MED23: variants seen among roughly 807,000 people sequenced by gnomAD.
MED23 encodes the protein mediator of RNA polymerase II transcription subunit 23.
A neutral mutation model predicts 163.9 loss-of-function variants in MED23; 105 were observed. The observed-to-expected ratio is 0.64, with a 90% confidence interval of 0.55 to 0.75. The LOEUF is 0.75. Among genes scored for constraint, MED23 ranks in the 30% least tolerant of loss-of-function variants. The pLI, the probability that MED23 is intolerant of heterozygous loss-of-function variation, is 0.00. For missense variants in MED23, 1,054 were observed against 1,649.0 expected, an observed-to-expected ratio of 0.64 and a Z score of 6.25; for synonymous variants, 561 against 565.6, an observed-to-expected ratio of 0.99 and a Z score of 0.12.
rs1390246500 is a variant in MED23 at position 131,610,047 on chromosome 6, T to C, written c.1076A>G (p.Lys359Arg). 1.2e-6 allele frequency: 2 copies of C among 1,613,336 alleles called. No individual in the cohort carries two copies. The highest frequency in any genetic ancestry group is 2.2e-5 in the South Asian group (2 of 91,058). Reference sequence around the variant, plus strand: ...CCGACCATAAGATTTAGTACATACCTTCTGATGAAGAGAAAGCACCATATG... The same window carrying C: ...CCGACCATAAGATTTAGTACATACCCTCTGATGAAGAGAAAGCACCATATG... ...FPHMVLSLHQ[K>R]LAGRGLIKGR... Residue 359 changes from lysine to arginine, a missense_variant and splice_region_variant, in exon 11 of 29, where the codon AAG becomes AGG. By Grantham distance (26) the Lys-to-Arg change is conservative (BLOSUM62 2). Around this residue, in one of 11 missense-constraint regions of MED23, gnomAD observed 61 missense variants for 154.2 expected, o/e 0.40. Transcript: ENST00000368068.
At position 131,600,038 on chromosome 6, in the gene MED23, C is replaced by G; in HGVS notation, c.2220G>C (p.Gln740His). Residue 740 changes from glutamine (Q) to histidine (H), a missense_variant and splice_region_variant, in exon 18 of 29, where the codon CAG (glutamine) becomes CAC (histidine). Physicochemically the swap from Gln to His is conservative, Grantham distance 24. Coordinates refer to ENST00000368068, the MANE Select transcript of MED23 (RefSeq NM_004830.4). ...HTLSCFPGPL[Q>H]AFFKQNNVPQ... ...AATAAGTAATTCAAGACCAAATTACCTGTAGTGGGCCTGGAAAACAGCTCA... is the reference window on the plus strand; with the variant it reads ...AATAAGTAATTCAAGACCAAATTACGTGTAGTGGGCCTGGAAAACAGCTCA... 1 of 1,613,916 alleles carries G rather than the reference C, an allele frequency of 6.2e-7. No homozygotes were observed. The highest frequency in any genetic ancestry group is 2.2e-5 in the East Asian group (1 of 44,848).
chr6:131,615,552 G>T (rs796187235), intron 10 of MED23: 1 of 377,428 alleles, frequency 2.6e-6, no homozygotes, highest in Non-Finnish European at 4.5e-6. Flanking sequence ...AGAAGGCCAC[G>T]CTGAAGATAC....
rs200336520 is a variant in MED23, at chr6:131,602,251, T to C, written c.2062A>G (p.Ile688Val). Residue 688 changes from isoleucine to valine, a missense_variant, in exon 17 of 29, where the codon ATA becomes GTA. This residue lies in a region of MED23 where 228 missense variants were observed against 461.3 expected (regional missense o/e 0.49). Transcript: ENST00000368068. ...AESEELNRAL[I>V]LTLARATHVT... ...TGAGTTGCTCTAGCCAAGGTCAATA[T>C]CAAGGCTCGGTTCAGTTCTTCAGAT... 7.9e-5 allele frequency: 128 copies of C among 1,613,938 alleles called. No homozygotes were observed. Among genetic ancestry groups the C allele is most frequent in the Non-Finnish European group, 1.1e-4 (125 of 1,179,844 alleles).
At chr6:131,623,237 A>G in intron 5 of MED23, 114 bp downstream of exon 5, 2 of 888,456 alleles carry the variant, frequency 2.3e-6, no homozygotes, top group South Asian at 1.4e-5. Context: ...CACAAGAAAT[A>G]GACAGATTTT....
chr6:131,602,164 T>A, intron 17 of MED23, 54 bp downstream of exon 17: 4 of 1,568,916 alleles, frequency 2.5e-6, no homozygotes, highest in Non-Finnish European at 3.5e-6. Context: ...ATTAGTAGAA[T>A]CATGGCACAC....
chr6:131,602,607 C>T (rs1324656314), intron 16 of MED23, among the ~76,000 whole-genome samples: 1 of 151,986 alleles, frequency 6.6e-6, no homozygotes, highest in Non-Finnish European at 1.5e-5. Flanking sequence ...TGGCTTGTCG[C>T]CTATAGGACT....
chr6:131,581,825 A>G (rs1346911159), downstream of MED23, among the ~76,000 whole-genome samples: 1 of 152,226 alleles, frequency 6.6e-6, no homozygotes, highest in Non-Finnish European at 1.5e-5. Flanking sequence ...GAAATTTTAA[A>G]ATTTCAGATA....
chr6:131,601,345 T>C (rs890547021), intron 17 of MED23, among the ~76,000 whole-genome samples: 1 of 152,204 alleles, frequency 6.6e-6, no homozygotes, highest in Non-Finnish European at 1.5e-5. Flanking sequence ...AATGTCAACG[T>C]TTGCTAGATC....
In MED23 at chr6:131,574,354, A is replaced by G. The variant is rs76388742; in HGVS notation, c.4096-59T>C. 3,673 of 1,593,050 alleles carry G rather than the reference A, an allele frequency of 2.3e-3. 83 individuals are homozygous for G. In the African/African-American group the frequency reaches 0.042, roughly 18 times the overall value. On this transcript the variant is annotated intron_variant, in intron 30 of 30. Coordinates refer to the MED23 transcript ENST00000354577. ...AGGCCCAAACTGCATTTGGACTGTC[A>G]GTAAATACTACTTTGCTTCCCCTGG...
Position 131,607,985 on chromosome 6 carries a change from T to A in MED23, c.1164A>T (p.Ala388=), listed in dbSNP as rs764133073. 1 of 1,613,958 alleles carries A rather than the reference T, an allele frequency of 6.2e-7. No individual in the cohort carries two copies. Among genetic ancestry groups the A allele is most frequent in the Non-Finnish European group, 8.5e-7 (1 of 1,179,914 alleles). ...TCATCACAGGGAGAAAATCAGCTAG[T>A]GCATTTTTCTGAATACTTCCAGAAA... The part of the protein sequence containing the change: ...QFISGSIQKN[A]LADFLPVMKL... Residue 388 remains alanine (A), a synonymous_variant, in exon 12 of 29, where the codon GCA becomes GCT. Transcript: ENST00000368068.
chr6:131,606,687 G>C, intron 12 of MED23, 63 bp from the exon 13 acceptor site: 2 of 1,335,180 alleles, frequency 1.5e-6, no homozygotes, highest in Non-Finnish European at 2.1e-6. Flanking sequence ...ATAATTATGT[G>C]TATTTTAGTA....
chr6:131,610,050 T>C lies in MED23; in HGVS notation c.1073A>G (p.Gln358Arg), dbSNP rs1585529678. ...ACCATAAGATTTAGTACATACCTTC[T>C]GATGAAGAGAAAGCACCATATGTGG... is the stretch of plus-strand genomic sequence containing the variant. ...SFPHMVLSLHQKLAGRGLIKG... is the reference protein window; with the variant it reads ...SFPHMVLSLHRKLAGRGLIKG... Residue 358 changes from glutamine to arginine, a missense_variant, in exon 11 of 29, where the codon CAG becomes CGG. Coordinates refer to ENST00000368068, the MANE Select transcript of MED23 (RefSeq NM_004830.4). 6.2e-7 allele frequency: 1 copy of C among 1,613,458 alleles called. No individual in the cohort carries two copies.
chr6:131,593,716 T>C (rs1312341368), intron 23 of MED23, among the ~76,000 whole-genome samples: 2 of 152,132 alleles, frequency 1.3e-5, no homozygotes, highest in Admixed American at 1.3e-4. Context: ...TTATCATTTA[T>C]TATTTACTAC....
In MED23 at chr6:131,610,215, T is replaced by C; in HGVS notation, c.908A>G (p.Gln303Arg). Residue 303 changes from glutamine (Q) to arginine (R), a missense_variant, in exon 11 of 29, where the codon CAG becomes CGG. Physicochemically the swap from Gln to Arg is conservative, Grantham distance 43. Coordinates refer to ENST00000368068, the MANE Select transcript of MED23 (RefSeq NM_004830.4). ...GGCATAAACAACCAGATCCACCAAC[T>C]GGTCCTCCAGCACAGGGCAGCGCTG... ...HKQRCPVLEDQLVDLVVYAME... is the reference protein window; with the variant it reads ...HKQRCPVLEDRLVDLVVYAME... The C allele has an allele frequency of 6.2e-7, 1 of 1,613,958 alleles. No homozygotes were observed. Among genetic ancestry groups the C allele is most frequent in the Non-Finnish European group, 8.5e-7 (1 of 1,179,922 alleles).
At chr6:131,583,375 T>G, downstream of MED23, 1 of 1,614,168 alleles carries the variant, frequency 6.2e-7, no homozygotes, top group Non-Finnish European at 8.5e-7. Flanking sequence ...CCAATTCATC[T>G]AAGTTTTGAT....
At chr6:131,626,734 G>A (rs1173201286) in intron 3 of MED23, among the ~76,000 whole-genome samples, 2 of 152,108 alleles carry the variant, frequency 1.3e-5, no homozygotes, top group African/African-American at 4.8e-5. Flanking sequence ...GTTAAAACAT[G>A]ACTGTATTGG....
chr6:131,590,253 C>T, intron 27 of MED23, 69 bp downstream of exon 27: 1 of 1,446,472 alleles, frequency 6.9e-7, no homozygotes, highest in South Asian at 1.2e-5. Flanking sequence ...TTCAATAACA[C>T]TGGTAAAGAA....
In MED23 at chr6:131,618,505, G is replaced by A; in HGVS notation, c.682C>T (p.Leu228=). 3 of 1,613,024 alleles carry A rather than the reference G, an allele frequency of 1.9e-6. No individual in the cohort carries two copies. The highest frequency in any genetic ancestry group is 2.7e-5 in the African/African-American group (2 of 75,022). ...INSICGRCSL[L]PVVNNSGAIC... ...GCACCCGAATTATTTACAACTGGCA[G>A]AAGACTACAGCGACCTGTATGTATT... The change falls in exon 9 of 29, where the codon CTG becomes TTG. Residue 228 remains leucine, a synonymous_variant. Coordinates refer to ENST00000368068, the MANE Select transcript of MED23 (RefSeq NM_004830.4).
chr6:131,595,881 TG>T, intron 22 of MED23, 65 bp downstream of exon 22: 1 of 1,187,302 alleles, frequency 8.4e-7, no homozygotes, highest in Non-Finnish European at 1.3e-6. Context: ...TATTACCATG[TG>T]GTCCTGCCCA....
Sources: gnomAD v4.1 joint callset for allele counts (sites outside exome capture counted in the v4.1 genomes callset) on GRCh38, gnomAD v4.1.1 for gene constraint, gnomAD v4.1.1 regional missense constraint, MANE v1.5 for transcripts, NCBI Gene and HGNC (gene_info 2026-07-23, HGNC 2026-07-21) for gene names.